CNTLN: variants seen among roughly 807,000 people sequenced by gnomAD.
CNTLN encodes centlein.
Under a neutral mutation model 180.0 loss-of-function variants are expected in CNTLN, and 212 were observed. The ratio of observed to expected loss-of-function variants is 1.18; its 90% CI spans 1.05 to 1.32. CNTLN has a LOEUF of 1.32. Ranked by LOEUF, CNTLN falls within the 40% of genes most tolerant of loss-of-function variation. The pLI is 0.00. For missense variants in CNTLN, 2,095 were observed against 1,610.9 expected (o/e 1.30, Z -5.14); for synonymous variants, 722 against 563.1 (o/e 1.28, Z -3.99).
chr9:17,209,613 A>G (rs934250330), intron 2 of CNTLN, among the ~76,000 whole-genome samples: 1 of 152,178 alleles, frequency 6.6e-6, no homozygotes, highest in African/African-American at 2.4e-5. Flanking sequence ...TTAGGCACCT[A>G]TATAATTATA....
intron 18 of CNTLN, among the ~76,000 whole-genome samples, chr9:17,450,198 A>C (rs536100167): frequency 6.6e-6 from 1 of 152,300 alleles, no homozygotes; most frequent in African/African-American, 2.4e-5. Flanking sequence ...GTTAATTGTA[A>C]ACCATATTTA....
intron 2 of CNTLN, among the ~76,000 whole-genome samples, chr9:17,152,074 G>A (rs928368917): frequency 7.9e-5 from 12 of 152,090 alleles, no homozygotes; most frequent in Non-Finnish European, 1.2e-4. Flanking sequence ...AGTCTGGCTA[G>A]CAGTCTATCT....
chr9:17,390,291 G>C (rs1156600313), intron 14 of CNTLN, among the ~76,000 whole-genome samples: 1 of 131,638 alleles, frequency 7.6e-6, no homozygotes, highest in Non-Finnish European at 1.5e-5. Context: ...CCAGGCTGGA[G>C]TACAGTGGGC....
At chr9:17,211,829 A>G (rs1262908699) in intron 2 of CNTLN, among the ~76,000 whole-genome samples, 3 of 152,126 alleles carry the variant, frequency 2.0e-5, no homozygotes, top group South Asian at 2.1e-4. Flanking sequence ...TGTGAATGGG[A>G]GTTCACTCAT....
chr9:17,462,258 C>G lies in CNTLN; in HGVS notation c.3307-658C>G, dbSNP rs1363390574. Among the ~76,000 whole-genome samples, 5 of 151,682 alleles carry G rather than the reference C, an allele frequency of 3.3e-5. No homozygotes were observed. In the East Asian group the frequency reaches 9.7e-4, roughly 29 times the overall value. On this transcript the variant is annotated intron_variant, in intron 19 of 25. Transcript: ENST00000380647. ...CCCTAGTTGGAAGATACAAAATAGC[C>G]TCACTCATAGATCGGACAATTGGTC...
chr9:17,175,051 C>G (rs1820638217), intron 2 of CNTLN, among the ~76,000 whole-genome samples: 1 of 152,102 alleles, frequency 6.6e-6, no homozygotes, highest in Non-Finnish European at 1.5e-5. Flanking sequence ...GGTCTTTTGT[C>G]AACTATGTGG....
intron 10 of CNTLN, among the ~76,000 whole-genome samples, chr9:17,333,429 T>G (rs1395880919): frequency 6.6e-6 from 1 of 152,122 alleles, no homozygotes; most frequent in Non-Finnish European, 1.5e-5. Flanking sequence ...TGTGCCCTAT[T>G]TGAAGTTTAA....
At chr9:17,261,866 T>G (rs1384300232) in intron 5 of CNTLN, among the ~76,000 whole-genome samples, 2 of 151,442 alleles carry the variant, frequency 1.3e-5, no homozygotes, top group East Asian at 1.9e-4. Context: ...TACAAGGAAC[T>G]TAAACAAATT....
rs112085616 is a variant in CNTLN, at chr9:17,466,264, G to A, written c.3669+146G>A. The A allele has an allele frequency of 1.8e-3, 1,150 of 628,528 alleles. 12 individuals carry two copies. The African/African-American group carries it at 0.02, about 11-fold the overall frequency. 38.9% of individuals were successfully genotyped at this position (628,528 alleles called of 1,614,324 possible). The stretch of plus-strand genomic sequence containing the variant: ...GCAAAGAGGATTTGTATCTCTACAT[G>A]AAACGCCAAACATTGGTTTAACATT... On this transcript the variant is annotated intron_variant, in intron 22 of 25. Coordinates refer to ENST00000380647, the MANE Select transcript of CNTLN (RefSeq NM_017738.4).
At chr9:17,404,629 T>A (rs2133808322) in intron 15 of CNTLN, among the ~76,000 whole-genome samples, 1 of 151,942 alleles carries the variant, frequency 6.6e-6, no homozygotes, top group East Asian at 1.9e-4. Flanking sequence ...TAGTACTCCT[T>A]TACCTAGTAG....
chr9:17,284,732 A>G (rs958870375), intron 6 of CNTLN, among the ~76,000 whole-genome samples: 12 of 151,780 alleles, frequency 7.9e-5, no homozygotes, highest in African/African-American at 2.4e-4. Flanking sequence ...TTTTTTTGGA[A>G]GGGTTTTTCA....
At chr9:17,469,951 A>G (rs1216660449) in intron 23 of CNTLN, among the ~76,000 whole-genome samples, 1 of 151,912 alleles carries the variant, frequency 6.6e-6, no homozygotes. Flanking sequence ...TAAGTAAGTT[A>G]CAATAGCTAA....
chr9:17,482,953 A>G (rs1260856761), intron 23 of CNTLN, among the ~76,000 whole-genome samples: 2 of 152,158 alleles, frequency 1.3e-5, no homozygotes, highest in South Asian at 2.1e-4. Context: ...AAGTATTTTT[A>G]TATACCTCAT....
intron 3 of CNTLN, among the ~76,000 whole-genome samples, chr9:17,226,950 T>A (rs1824511675): frequency 6.6e-6 from 1 of 151,680 alleles, no homozygotes; most frequent in African/African-American, 2.4e-5. Flanking sequence ...TATTTTTTTA[T>A]ACTTTAAGTT....
chr9:17,312,450 G>A (rs1204275610), intron 8 of CNTLN, among the ~76,000 whole-genome samples: 2 of 145,894 alleles, frequency 1.4e-5, no homozygotes, highest in Non-Finnish European at 3.0e-5. Flanking sequence ...GCAGTGGCGC[G>A]ATCTCGGCTC....
intron 12 of CNTLN, among the ~76,000 whole-genome samples, chr9:17,359,258 A>G (rs1311896818): frequency 3.3e-5 from 5 of 152,052 alleles, no homozygotes; most frequent in East Asian, 1.9e-4. Flanking sequence ...AGCTCAAGCA[A>G]TCCACTTGCT....
intron 2 of CNTLN, among the ~76,000 whole-genome samples, chr9:17,148,165 A>G (rs1022438819): frequency 6.6e-6 from 1 of 152,208 alleles, no homozygotes; most frequent in East Asian, 1.9e-4. Context: ...TGTTTCATCT[A>G]TAAACCTCTA....
intron 7 of CNTLN, among the ~76,000 whole-genome samples, chr9:17,303,231 A>G (rs1041310594): frequency 3.9e-5 from 6 of 152,202 alleles, no homozygotes; most frequent in African/African-American, 9.7e-5. Context: ...TTAAATGGAA[A>G]GGTGAGGTCT....
downstream of CNTLN, among the ~76,000 whole-genome samples, chr9:17,507,803 C>T (rs1453240778): frequency 6.6e-6 from 1 of 152,174 alleles, no homozygotes; most frequent in African/African-American, 2.4e-5. Context: ...CACTTCTGCG[C>T]ATAGTCCAAT....
Sources: allele counts gnomAD v4.1 joint callset (sites outside exome capture counted in the v4.1 genomes callset), GRCh38; gene constraint gnomAD v4.1.1; transcripts MANE v1.5; gene names NCBI Gene and HGNC (gene_info 2026-07-23, HGNC 2026-07-21).